MAPKBP1: variants seen among roughly 807,000 people sequenced by gnomAD.
MAPKBP1 encodes mitogen-activated protein kinase binding protein 1, also known as mitogen-activated protein kinase-binding protein 1.
In MAPKBP1, 71 loss-of-function variants were observed where a neutral mutation model predicts 170.5. That is an observed-to-expected ratio of 0.42 (90% CI 0.34 to 0.51). The LOEUF is 0.51. Ranked by LOEUF, MAPKBP1 falls within the 20% of genes least tolerant of loss-of-function variation. The pLI, the probability that MAPKBP1 is intolerant of heterozygous loss-of-function variation, is 0.06. For synonymous variants in MAPKBP1, 719 were observed against 757.9 expected, an observed-to-expected ratio of 0.95 and a Z score of 0.84; for missense variants, 1,598 against 1,933.0, an observed-to-expected ratio of 0.83 and a Z score of 3.25.
chr15:41,811,248 G>A lies in MAPKBP1; in HGVS notation c.327+13G>A. Reference sequence around the variant, plus strand: ...GGTCACTGGAGAGGTGAGTGAGGAAGAGGGCTGGCAGTACTGTAAAGAGGG... The same window carrying A: ...GGTCACTGGAGAGGTGAGTGAGGAAAAGGGCTGGCAGTACTGTAAAGAGGG... On this transcript the variant is annotated intron_variant, in intron 5 of 30. Transcript: ENST00000457542. 1 of 1,614,244 alleles carries A rather than the reference G, an allele frequency of 6.2e-7. No individual in the cohort carries two copies. The highest frequency in any genetic ancestry group is 8.5e-7 in the Non-Finnish European group (1 of 1,180,032).
Position 41,822,950 on chromosome 15 carries a change from C to T in MAPKBP1, c.3326C>T (p.Pro1109Leu). 6.2e-7 allele frequency: 1 copy of T among 1,608,908 alleles called. No homozygotes were observed. The highest frequency in any genetic ancestry group is 8.5e-7 in the Non-Finnish European group (1 of 1,176,244). Reference sequence around the variant, plus strand: ...TGTTCTCCCTGTAGGGAACCATCCCCATCCTCCTCAAGCCTGGCACTGATG... The same window carrying T: ...TGTTCTCCCTGTAGGGAACCATCCCTATCCTCCTCAAGCCTGGCACTGATG... ...VQTRPLREPS[P>L]SSSSLALMSR... The change falls in exon 28 of 31, where the codon CCA (proline) becomes CTA (leucine). Residue 1109 changes from proline (P) to leucine (L), a missense_variant. By Grantham distance (98) the Pro-to-Leu change is moderately conservative. Around this residue, in one of 6 missense-constraint regions of MAPKBP1, gnomAD observed 942 missense variants for 953.2 expected, o/e 0.99. Coordinates refer to ENST00000457542, the MANE Select transcript of MAPKBP1 (RefSeq NM_014994.3).
In MAPKBP1 at chr15:41,819,352, C is replaced by T; in HGVS notation, c.2398C>T (p.Leu800Phe). 1.2e-6 allele frequency: 2 copies of T among 1,614,196 alleles called. No homozygotes were observed. The highest frequency in any genetic ancestry group is 8.5e-7 in the Non-Finnish European group (1 of 1,180,036). The change falls in exon 21 of 31, where the codon CTT becomes TTT. Residue 800 changes from leucine (L) to phenylalanine (F), a missense_variant. Physicochemically the swap from Leu to Phe is conservative, Grantham distance 22. Transcript: ENST00000457542. The stretch of plus-strand genomic sequence containing the variant: ...AGAAGAACTTCCAGCACTGCCCGTC[C>T]TTGCCAAGAGTACCAAGAAGGCACT... ...TEEELPALPV[L>F]AKSTKKALAS...
intron 3 of MAPKBP1, among the ~76,000 whole-genome samples, chr15:41,806,931 C>G (rs952602006): frequency 6.6e-6 from 1 of 152,192 alleles, no homozygotes; most frequent in South Asian, 2.1e-4. Flanking sequence ...CACAAGGAGC[C>G]CTGGCTATGC....
At chr15:41,819,812 G>T (rs1220396770) in intron 22 of MAPKBP1, among the ~76,000 whole-genome samples, 162 bp downstream of exon 22, 1 of 152,134 alleles carries the variant, frequency 6.6e-6, no homozygotes, top group Non-Finnish European at 1.5e-5. Flanking sequence ...TGAAGCAGCT[G>T]GGCTGGTCCT....
intron 2 of MAPKBP1, 48 bp from the exon 3 acceptor site, chr15:41,799,775 C>A: frequency 2.0e-6 from 3 of 1,527,018 alleles, no homozygotes; most frequent in Non-Finnish European, 2.7e-6. Flanking sequence ...CACCTTCTTC[C>A]CAAACACACT....
In MAPKBP1 at chr15:41,810,895, G is replaced by C; in HGVS notation, c.219G>C (p.Val73=). 1 of 1,614,168 alleles carries C rather than the reference G, an allele frequency of 6.2e-7. No homozygotes were observed. The highest frequency in any genetic ancestry group is 8.5e-7 in the Non-Finnish European group (1 of 1,180,034). Residue 73 remains valine (V), a synonymous_variant, in exon 4 of 31, where the codon GTG becomes GTC. Transcript: ENST00000457542. Reference sequence around the variant, plus strand: ...CTCATCTCCTCAGGTGTGTGGTTGTGTTGTTCAATCCCCGGAAACACAAAC... The same window carrying C: ...CTCATCTCCTCAGGTGTGTGGTTGTCTTGTTCAATCCCCGGAAACACAAAC... The part of the protein sequence containing the change: ...LVAYPAGCVV[V]LFNPRKHKQH...
chr15:41,823,282 TGGAGGAGGGAG>T, intron 28 of MAPKBP1, 60 bp downstream of exon 28: 1 of 1,574,574 alleles, frequency 6.4e-7, no homozygotes, highest in African/African-American at 1.3e-5. Context: ...ATGTACATGC[TGGAGGAGGGAG>T]GGCCTGGTGT....
At chr15:41,804,713 T>TGTACA (rs1378460435) in intron 3 of MAPKBP1, among the ~76,000 whole-genome samples, 3 of 152,366 alleles carry the variant, frequency 2.0e-5, no homozygotes, top group Non-Finnish European at 4.4e-5. Context: ...TCCTTCCAGA[T>TGTACA]GGTGTACAGG....
chr15:41,823,329 C>T (rs1221938823), intron 28 of MAPKBP1, 107 bp downstream of exon 28: 1 of 1,544,266 alleles, frequency 6.5e-7, no homozygotes, highest in East Asian at 2.3e-5. Flanking sequence ...CTGTGCTGGC[C>T]ACTAGGTGTC....
intron 2 of MAPKBP1, among the ~76,000 whole-genome samples, chr15:41,784,135 C>CA (rs759268458): frequency 1.3e-5 from 2 of 152,180 alleles, no homozygotes; most frequent in Non-Finnish European, 2.9e-5. Context: ...CATTGGTTGG[C>CA]TTCTGTTTGA....
intron 26 of MAPKBP1, 44 bp from the exon 27 acceptor site, chr15:41,822,549 G>A: frequency 6.2e-7 from 1 of 1,610,082 alleles, no homozygotes; most frequent in East Asian, 2.2e-5. Context: ...CTGGGGCAAG[G>A]GCTTGGTTTT....
At chr15:41,786,777 A>AAAAAAATATATATATATATATAT in intron 2 of MAPKBP1, among the ~76,000 whole-genome samples, 25 of 32,406 alleles carry the variant, frequency 7.7e-4, no homozygotes, top group African/African-American at 2.5e-3. Flanking sequence ...AAAAAAAAAA[A>AAAAAAATATATATATATATATAT]ATATATATAT....
chr15:41,775,005 C>G, intron 1 of MAPKBP1, 162 bp from the exon 2 acceptor site: 1 of 465,298 alleles, frequency 2.1e-6, no homozygotes, highest in South Asian at 4.6e-5. Context: ...ATTTTCCCCC[C>G]CTTTTTCGTG....
intron 2 of MAPKBP1, among the ~76,000 whole-genome samples, chr15:41,792,483 C>T (rs1223316265): frequency 1.3e-5 from 2 of 152,194 alleles, no homozygotes; most frequent in Non-Finnish European, 2.9e-5. Context: ...AGCTGGGTCA[C>T]AGTTTGGGTA....
intron 5 of MAPKBP1, 96 bp from the exon 6 acceptor site, chr15:41,811,861 A>T (rs1399964093): frequency 3.2e-6 from 4 of 1,239,588 alleles, no homozygotes; most frequent in Non-Finnish European, 4.6e-6. Context: ...GGTATCTAGT[A>T]GCTGAGGAGG....
intron 2 of MAPKBP1, among the ~76,000 whole-genome samples, chr15:41,787,863 G>A (rs1190877258): frequency 6.6e-6 from 1 of 152,018 alleles, no homozygotes; most frequent in Non-Finnish European, 1.5e-5. Context: ...GGGTGGCATT[G>A]ATAAATAGTT....
rs143719056 is a variant in MAPKBP1 at position 41,793,383 on chromosome 15, A to G, written c.115-6440A>G. 8.0e-3 allele frequency among the ~76,000 whole-genome samples: 1,218 copies of G among 152,306 alleles called. 10 individuals are homozygous for G. Among genetic ancestry groups the G allele is most frequent in the African/African-American group, 0.028 (1,170 of 41,548 alleles). On this transcript the variant is annotated intron_variant, in intron 2 of 30. Coordinates refer to ENST00000457542, the MANE Select transcript of MAPKBP1 (RefSeq NM_014994.3). Reference sequence around the variant, plus strand: ...GTGCCTGTAGTACCAGCTACTCGGGAGGCTGAGGCAGGAGAATAGTGTGAG... The same window carrying G: ...GTGCCTGTAGTACCAGCTACTCGGGGGGCTGAGGCAGGAGAATAGTGTGAG...
intron 9 of MAPKBP1, 29 bp from the exon 10 acceptor site, chr15:41,814,521 G>T: frequency 1.2e-6 from 2 of 1,606,018 alleles, no homozygotes; most frequent in South Asian, 2.2e-5. Context: ...CCTTCAGTCT[G>T]ACCAGTGTGC....
chr15:41,819,258 A>G lies in MAPKBP1; in HGVS notation c.2304A>G (p.Pro768=). The G allele has an allele frequency of 6.2e-7, 1 of 1,613,792 alleles. No homozygotes were observed. Among genetic ancestry groups the G allele is most frequent in the Non-Finnish European group, 8.5e-7 (1 of 1,179,940 alleles). ...RASGPNRHQA[P]SMLSPGPALS... ...GTCTCGGACTCAGGCACCAGGCCCC[A>G]TCAATGCTGTCTCCTGGACCGGCTC... The change falls in exon 21 of 31, where the codon CCA becomes CCG. Residue 768 remains proline (P), a synonymous_variant. Coordinates refer to ENST00000457542, the MANE Select transcript of MAPKBP1 (RefSeq NM_014994.3).
Sources: gnomAD v4.1 joint callset for allele counts (sites outside exome capture counted in the v4.1 genomes callset) on GRCh38, gnomAD v4.1.1 for gene constraint, gnomAD v4.1.1 regional missense constraint, MANE v1.5 for transcripts, NCBI Gene and HGNC (gene_info 2026-07-23, HGNC 2026-07-21) for gene names.